The following CADM1 variants were observed in gnomAD, a reference collection of about 807,000 sequenced individuals.
The protein encoded by CADM1 is cell adhesion molecule 1.
In CADM1, 15 loss-of-function variants were observed where a neutral mutation model predicts 53.1. The observed-to-expected ratio is 0.28, with a 90% CI of 0.19 to 0.44. The LOEUF (loss-of-function observed/expected upper bound fraction) is 0.44. Ranked by LOEUF, CADM1 falls within the 20% of genes least tolerant of loss-of-function variation. The pLI, the probability that CADM1 is intolerant of heterozygous loss-of-function variation, is 1.00. For synonymous variants in CADM1, 281 were observed against 243.0 expected, an observed-to-expected ratio of 1.16 and a Z score of -1.45; for missense variants, 434 against 611.3, an observed-to-expected ratio of 0.71 and a Z score of 3.06.
intron 1 of CADM1, among the ~76,000 whole-genome samples, chr11:115,383,203 CAG>C (rs1177665551): frequency 6.6e-6 from 1 of 152,112 alleles, no homozygotes; most frequent in Non-Finnish European, 1.5e-5. Context: ...GATAAATAAA[CAG>C]GTAGATAGCT....
chr11:115,177,674 C>G (rs1168853298), intron 11 of CADM1, among the ~76,000 whole-genome samples: 1 of 146,444 alleles, frequency 6.8e-6, no homozygotes, highest in Non-Finnish European at 1.5e-5. Flanking sequence ...CTGTCTCTGT[C>G]AAGCTTACCA....
At chr11:115,325,684 A>G (rs1183155791) in intron 1 of CADM1, among the ~76,000 whole-genome samples, 1 of 152,154 alleles carries the variant, frequency 6.6e-6, no homozygotes, top group Admixed American at 6.6e-5. Context: ...CTGCCTGACT[A>G]TAACTGCCCT....
intron 1 of CADM1, among the ~76,000 whole-genome samples, chr11:115,411,538 G>T (rs919463191): frequency 2.0e-5 from 3 of 152,106 alleles, no homozygotes; most frequent in Admixed American, 1.3e-4. Flanking sequence ...AATCTAAACA[G>T]CAAAAGAAGG....
At chr11:115,420,147 T>C (rs1481530315) in intron 1 of CADM1, among the ~76,000 whole-genome samples, 1 of 152,176 alleles carries the variant, frequency 6.6e-6, no homozygotes, top group Admixed American at 6.6e-5. Flanking sequence ...AAGCTCCTTT[T>C]CTCCTTAAGC....
intron 5 of CADM1, among the ~76,000 whole-genome samples, chr11:115,227,897 G>C (rs1249705090): frequency 6.6e-6 from 1 of 152,188 alleles, no homozygotes; most frequent in Non-Finnish European, 1.5e-5. Context: ...CCAAAGATAA[G>C]TCCATGTTCT....
intron 1 of CADM1, among the ~76,000 whole-genome samples, chr11:115,258,194 C>A (rs1333150381): frequency 6.6e-6 from 1 of 152,124 alleles, no homozygotes; most frequent in African/African-American, 2.4e-5. Flanking sequence ...AAACGACCCC[C>A]TGACTTTATC....
At chr11:115,320,420 G>C (rs947819813) in intron 1 of CADM1, among the ~76,000 whole-genome samples, 2 of 152,014 alleles carry the variant, frequency 1.3e-5, no homozygotes, top group South Asian at 4.2e-4. Context: ...AAATACCAAT[G>C]ATTTTGCAGT....
intron 1 of CADM1, among the ~76,000 whole-genome samples, chr11:115,477,279 A>G (rs1397828187): frequency 6.6e-6 from 1 of 152,204 alleles, no homozygotes; most frequent in African/African-American, 2.4e-5. Context: ...ATCATGGAAA[A>G]AAAAATTAAA....
intron 3 of CADM1, among the ~76,000 whole-genome samples, chr11:115,232,007 T>C (rs572271307): frequency 1.4e-4 from 13 of 90,498 alleles, no homozygotes; most frequent in South Asian, 3.6e-4. Context: ...ATAATAATAA[T>C]AATAATAACA....
intron 1 of CADM1, among the ~76,000 whole-genome samples, chr11:115,415,233 A>C (rs2135255763): frequency 6.6e-6 from 1 of 152,332 alleles, no homozygotes; most frequent in South Asian, 2.1e-4. Flanking sequence ...GAGCAAACGA[A>C]GTAACACATA....
intron 1 of CADM1, among the ~76,000 whole-genome samples, chr11:115,401,782 T>C (rs1004179770): frequency 6.6e-6 from 1 of 152,210 alleles, no homozygotes; most frequent in African/African-American, 2.4e-5. Context: ...TGAACCCTGA[T>C]GTAAACCATG....
intron 1 of CADM1, among the ~76,000 whole-genome samples, chr11:115,364,312 C>T (rs1946103158): frequency 6.6e-6 from 1 of 152,112 alleles, no homozygotes; most frequent in Non-Finnish European, 1.5e-5. Context: ...ACATTTATGC[C>T]CATCCTTAAG....
intron 1 of CADM1, among the ~76,000 whole-genome samples, chr11:115,485,045 T>A (rs960267045): frequency 6.6e-6 from 1 of 152,110 alleles, no homozygotes; most frequent in Non-Finnish European, 1.5e-5. Context: ...GTCGAATCCA[T>A]TTGCTTAAAT....
intron 1 of CADM1, among the ~76,000 whole-genome samples, chr11:115,268,727 C>T (rs527535822): frequency 1.3e-5 from 2 of 152,158 alleles, no homozygotes; most frequent in East Asian, 1.9e-4. Context: ...TGCTGCGAAG[C>T]GGCTTTAAAG....
chr11:115,393,057 C>CAT (rs1946879858), intron 1 of CADM1, among the ~76,000 whole-genome samples: 1 of 119,166 alleles, frequency 8.4e-6, no homozygotes, highest in African/African-American at 3.2e-5. Flanking sequence ...AGCGAGACCC[C>CAT]ATCTCTTCCA....
chr11:115,290,935 C>T (rs1943881620), intron 1 of CADM1, among the ~76,000 whole-genome samples: 1 of 152,160 alleles, frequency 6.6e-6, no homozygotes, highest in South Asian at 2.1e-4. Context: ...TTCAGCATAC[C>T]AAAACATCTC....
intron 1 of CADM1, among the ~76,000 whole-genome samples, chr11:115,390,357 G>A (rs754174116): frequency 6.6e-6 from 1 of 151,876 alleles, no homozygotes; most frequent in Non-Finnish European, 1.5e-5. Flanking sequence ...CTGAGAGAGA[G>A]GGAGAAGGGG....
chr11:115,446,306 A>G (rs1948450158), intron 1 of CADM1, among the ~76,000 whole-genome samples: 1 of 152,192 alleles, frequency 6.6e-6, no homozygotes, highest in South Asian at 2.1e-4. Context: ...CCTCATAACT[A>G]CTAAGTTCTG....
chr11:115,348,919 C>A (rs563342898), intron 1 of CADM1, among the ~76,000 whole-genome samples: 1 of 152,110 alleles, frequency 6.6e-6, no homozygotes, highest in Non-Finnish European at 1.5e-5. Flanking sequence ...AGACTCAGTG[C>A]ATGTATTTAT....
Sources: allele counts gnomAD v4.1 joint callset (sites outside exome capture counted in the v4.1 genomes callset), GRCh38; gene constraint gnomAD v4.1.1; transcripts MANE v1.5; gene names NCBI Gene and HGNC (gene_info 2026-07-23, HGNC 2026-07-21).